CAMK4: variants seen among roughly 807,000 people sequenced by gnomAD.
The protein encoded by CAMK4 is calcium/calmodulin-dependent protein kinase type IV.
In CAMK4, 22 loss-of-function variants were observed where a neutral mutation model predicts 44.9. The ratio of observed to expected loss-of-function variants is 0.49; its 90% confidence interval spans 0.35 to 0.70. The LOEUF is 0.70. CAMK4 is among the 30% of genes least tolerant of loss of function. The probability of loss-of-function intolerance (pLI) is 0.01; values close to 1 mark genes in which losing one functional copy is unlikely to be tolerated. For synonymous variants in CAMK4, 218 were observed against 215.4 expected, an observed-to-expected ratio of 1.01 and a Z score of -0.11; for missense variants, 498 against 586.8, an observed-to-expected ratio of 0.85 and a Z score of 1.56.
At chr5:111,274,037 C>A (rs929835722) in intron 1 of CAMK4, among the ~76,000 whole-genome samples, 3 of 152,048 alleles carry the variant, frequency 2.0e-5, no homozygotes, top group African/African-American at 7.2e-5. Flanking sequence ...TCTCTCATTG[C>A]ATCCTCCTCC....
At chr5:111,227,526 C>T (rs1580449601) in intron 1 of CAMK4, among the ~76,000 whole-genome samples, 1 of 152,154 alleles carries the variant, frequency 6.6e-6, no homozygotes, top group Non-Finnish European at 1.5e-5. Flanking sequence ...AGTAGTGACT[C>T]CTGATTGCAA....
At chr5:111,420,553 G>T (rs1305869526) in intron 5 of CAMK4, among the ~76,000 whole-genome samples, 1 of 152,140 alleles carries the variant, frequency 6.6e-6, no homozygotes, top group Non-Finnish European at 1.5e-5. Context: ...AAATTATTAG[G>T]TGGGAATTTC....
In CAMK4 at chr5:111,336,140, G is replaced by T. The variant is rs950640915; in HGVS notation, c.162-7884G>T. ...ATGGAATAATTTCTATAATTCTTTG[G>T]TCTTTTTGCTGAAGAATATGTTATA... On this transcript the variant is annotated intron_variant, in intron 1 of 10. Coordinates refer to ENST00000282356, the MANE Select transcript of CAMK4 (RefSeq NM_001744.6). Among the ~76,000 whole-genome samples the T allele has an allele frequency of 2.0e-5, 3 of 151,156 alleles. No homozygotes were observed. In the South Asian group the frequency reaches 6.2e-4, roughly 31 times the overall value.
At chr5:111,407,656 G>T (rs1413681393) in intron 5 of CAMK4, among the ~76,000 whole-genome samples, 3 of 152,090 alleles carry the variant, frequency 2.0e-5, no homozygotes, top group African/African-American at 7.2e-5. Context: ...TGACAATTTG[G>T]CCTGTATGTA....
chr5:111,372,810 T>A (rs1354625283), intron 2 of CAMK4, among the ~76,000 whole-genome samples: 1 of 152,146 alleles, frequency 6.6e-6, no homozygotes, highest in African/African-American at 2.4e-5. Flanking sequence ...TATCAAGATG[T>A]GCGTCTTCCT....
At chr5:111,242,063 G>A (rs945596298) in intron 1 of CAMK4, among the ~76,000 whole-genome samples, 2 of 152,122 alleles carry the variant, frequency 1.3e-5, no homozygotes, top group African/African-American at 2.4e-5. Context: ...CAGGCTATTC[G>A]AAACTAACTC....
chr5:111,255,296 A>G (rs959431145), intron 1 of CAMK4, among the ~76,000 whole-genome samples: 1 of 152,164 alleles, frequency 6.6e-6, no homozygotes, highest in Non-Finnish European at 1.5e-5. Flanking sequence ...CACTTTGGTG[A>G]GCTATGAATG....
rs548972652 is a variant in CAMK4, at chr5:111,377,662, C to G, written c.386+720C>G. 2.6e-5 allele frequency among the ~76,000 whole-genome samples: 4 copies of G among 152,156 alleles called. No homozygotes were observed. In the South Asian group the frequency reaches 8.3e-4, roughly 32 times the overall value. ...AATTCTGTATTTGTCCTGATGGGCT[C>G]TTGAGAGCCTTTTGCTGTGTTCATC... is the stretch of plus-strand genomic sequence containing the variant. On this transcript the variant is annotated intron_variant, in intron 4 of 10. Transcript: ENST00000282356.
At chr5:111,311,108 C>T (rs1309801723) in intron 1 of CAMK4, among the ~76,000 whole-genome samples, 3 of 152,154 alleles carry the variant, frequency 2.0e-5, no homozygotes, top group African/African-American at 4.8e-5. Flanking sequence ...GAGAGCATTA[C>T]CTGGGTGAAG....
Position 111,289,468 on chromosome 5 carries a change from C to T in CAMK4, c.162-54556C>T, listed in dbSNP as rs367882553. Among the ~76,000 whole-genome samples, 52 of 152,306 alleles carry T rather than the reference C, an allele frequency of 3.4e-4. No individual in the cohort carries two copies. The East Asian group carries it at 7.5e-3, about 22-fold the overall frequency. On this transcript the variant is annotated intron_variant, in intron 1 of 10. Coordinates refer to ENST00000282356, the MANE Select transcript of CAMK4 (RefSeq NM_001744.6). ...ACCACTTTGAATTATCAAAGTAACCCCTTCAGTGTAGTGGCCTGTCACAAT... is the reference window on the plus strand; with the variant it reads ...ACCACTTTGAATTATCAAAGTAACCTCTTCAGTGTAGTGGCCTGTCACAAT...
intron 5 of CAMK4, among the ~76,000 whole-genome samples, chr5:111,417,536 A>T (rs1372525873): frequency 1.3e-5 from 2 of 151,976 alleles, no homozygotes; most frequent in African/African-American, 4.8e-5. Flanking sequence ...AAAAAAAAAA[A>T]ATTGTAAAGA....
chr5:111,227,288 A>T (rs1748237202), intron 1 of CAMK4, among the ~76,000 whole-genome samples: 1 of 152,202 alleles, frequency 6.6e-6, no homozygotes, highest in South Asian at 2.1e-4. Context: ...CCTACACTAG[A>T]GATCAAGTTG....
intron 1 of CAMK4, among the ~76,000 whole-genome samples, chr5:111,336,453 T>G (rs1166151507): frequency 6.8e-6 from 1 of 147,372 alleles, no homozygotes; most frequent in African/African-American, 2.5e-5. Context: ...TTAAGTCAAC[T>G]ATTTAATTTC....
chr5:111,329,418 G>A (rs1249361394), intron 1 of CAMK4, among the ~76,000 whole-genome samples: 1 of 151,248 alleles, frequency 6.6e-6, no homozygotes, highest in East Asian at 2.0e-4. Flanking sequence ...TATTCAATTA[G>A]GAAAAGAGGA....
intron 1 of CAMK4, among the ~76,000 whole-genome samples, chr5:111,275,475 G>A (rs1750717965): frequency 6.6e-6 from 1 of 151,616 alleles, no homozygotes; most frequent in African/African-American, 2.4e-5. Context: ...ATCTTTGCTT[G>A]GTCTTCCTCT....
intron 1 of CAMK4, among the ~76,000 whole-genome samples, chr5:111,230,993 A>G (rs773439267): frequency 6.6e-6 from 1 of 152,174 alleles, no homozygotes; most frequent in Non-Finnish European, 1.5e-5. Flanking sequence ...AGTTGATAGC[A>G]GCTAGAGTCA....
intron 1 of CAMK4, among the ~76,000 whole-genome samples, chr5:111,260,902 TC>T: frequency 6.6e-6 from 1 of 152,216 alleles, no homozygotes; most frequent in Admixed American, 6.5e-5. Context: ...TCATTGATTA[TC>T]TTTTATCCTC....
chr5:111,225,161 G>A (rs564275705), intron 1 of CAMK4, among the ~76,000 whole-genome samples: 17 of 152,334 alleles, frequency 1.1e-4, no homozygotes, highest in Admixed American at 2.6e-4. Context: ...GGAGTGAAGG[G>A]AGAAATGAAT....
chr5:111,444,459 G>A (rs1258545756), intron 5 of CAMK4, among the ~76,000 whole-genome samples: 2 of 152,094 alleles, frequency 1.3e-5, no homozygotes, highest in Non-Finnish European at 2.9e-5. Flanking sequence ...CCCCTGGCAG[G>A]AAACACTCCC....
Sources: gnomAD v4.1 joint callset for allele counts (sites outside exome capture counted in the v4.1 genomes callset) on GRCh38, gnomAD v4.1.1 for gene constraint, MANE v1.5 for transcripts, NCBI Gene and HGNC (gene_info 2026-07-23, HGNC 2026-07-21) for gene names.